The following XRN1 variants were observed in gnomAD, a reference collection of about 807,000 sequenced individuals.
The protein encoded by XRN1 is 5'-3' exoribonuclease 1.
XRN1 carries 67 observed loss-of-function variants against 222.3 expected under a neutral mutation model. That is an observed-to-expected ratio of 0.30 (90% confidence interval 0.25 to 0.37). XRN1 has a LOEUF of 0.37. Ranked by LOEUF, XRN1 falls within the 10% of genes least tolerant of loss-of-function variation. The pLI, the probability that XRN1 is intolerant of heterozygous loss-of-function variation, is 1.00. For missense variants in XRN1, 1,707 were observed against 2,000.2 expected (o/e 0.85, Z 2.80); for synonymous variants, 643 against 652.4 (o/e 0.99, Z 0.22).
chr3:142,392,461 C>CTA, intron 20 of XRN1, among the ~76,000 whole-genome samples: 1 of 152,124 alleles, frequency 6.6e-6, no homozygotes, highest in East Asian at 1.9e-4. Flanking sequence ...TCTCCTAATG[C>CTA]TATCCCTCCC....
chr3:142,422,427 T>C (rs534554227), intron 8 of XRN1, among the ~76,000 whole-genome samples, 155 bp downstream of exon 8: 2 of 152,334 alleles, frequency 1.3e-5, no homozygotes, highest in South Asian at 4.1e-4. Flanking sequence ...TCACTGAAAA[T>C]GACAACCTCA....
intron 19 of XRN1, 52 bp from the exon 20 acceptor site, chr3:142,397,512 G>C (rs751700952): frequency 6.8e-7 from 1 of 1,476,494 alleles, no homozygotes; most frequent in Admixed American, 2.3e-5. Flanking sequence ...GTTTAATATA[G>C]AGTTCTAGCA....
intron 29 of XRN1, among the ~76,000 whole-genome samples, chr3:142,362,783 C>CT (rs1334900100): frequency 1.8e-5 from 2 of 113,522 alleles, no homozygotes; most frequent in African/African-American, 3.1e-5. Context: ...CTCTCTCTTT[C>CT]TTTTTTTGAC....
chr3:142,400,358 G>A, intron 19 of XRN1, 86 bp downstream of exon 19: 1 of 1,093,898 alleles, frequency 9.1e-7, no homozygotes, highest in Non-Finnish European at 1.3e-6. Flanking sequence ...ATATAATTTT[G>A]TCAGTTAAAA....
chr3:142,381,152 T>C (rs1041904675), intron 22 of XRN1, among the ~76,000 whole-genome samples: 2 of 152,108 alleles, frequency 1.3e-5, no homozygotes, highest in Admixed American at 1.3e-4. Context: ...GATTCACCTG[T>C]TGTTAGCATT....
intron 27 of XRN1, among the ~76,000 whole-genome samples, chr3:142,365,650 T>C (rs2066791159): frequency 6.6e-6 from 1 of 152,180 alleles, no homozygotes. Context: ...AATGAACTTT[T>C]ATAGTGTATC....
chr3:142,322,917 C>T (rs920269411), intron 37 of XRN1, among the ~76,000 whole-genome samples: 5 of 152,044 alleles, frequency 3.3e-5, no homozygotes, highest in African/African-American at 4.8e-5. Context: ...GCAGGATAAT[C>T]GCTTGAACCC....
chr3:142,447,989 A>G lies in XRN1; in HGVS notation c.-45T>C, dbSNP rs2070606381. 1.3e-6 allele frequency: 2 copies of G among 1,580,128 alleles called. No individual in the cohort carries two copies. Among genetic ancestry groups the G allele is most frequent in the Non-Finnish European group, 1.7e-6 (2 of 1,154,338 alleles). On this transcript the variant is annotated 5_prime_UTR_variant, in exon 1 of 41. Transcript: ENST00000392981. This position sits in a 1 kb window ranked among gnomAD's most constrained non-coding sequence, Gnocchi z 4.2. ...CCCAGTCAGGGCCAAACCGAAACCAAACGCCCCGCCGGGGCTCCGCCGCAG... is the reference window on the plus strand; with the variant it reads ...CCCAGTCAGGGCCAAACCGAAACCAGACGCCCCGCCGGGGCTCCGCCGCAG...
intron 32 of XRN1, among the ~76,000 whole-genome samples, chr3:142,354,625 T>C (rs1202719738): frequency 6.6e-6 from 1 of 152,170 alleles, no homozygotes; most frequent in African/African-American, 2.4e-5. Flanking sequence ...TGGGGCGATC[T>C]TGGCTCACTG....
At chr3:142,322,692 A>C (rs116018478) in intron 37 of XRN1, among the ~76,000 whole-genome samples, 2,019 of 151,674 alleles carry the variant, frequency 0.013, 27 homozygotes, top group African/African-American at 0.02. Flanking sequence ...AACAAACAAA[A>C]AAAAATTGTT....
intron 33 of XRN1, among the ~76,000 whole-genome samples, chr3:142,338,839 C>T (rs1276974828): frequency 2.0e-5 from 3 of 152,128 alleles, no homozygotes; most frequent in East Asian, 1.9e-4. Flanking sequence ...TGGTTGGTGA[C>T]GGCCACGGGG....
chr3:142,438,392 GA>G (rs1474769545), intron 1 of XRN1, among the ~76,000 whole-genome samples: 1 of 152,096 alleles, frequency 6.6e-6, no homozygotes, highest in Non-Finnish European at 1.5e-5. Flanking sequence ...AGAGAGGCGG[GA>G]AAACAGGTGC....
chr3:142,441,523 T>G (rs925276278), intron 1 of XRN1, among the ~76,000 whole-genome samples: 1 of 152,220 alleles, frequency 6.6e-6, no homozygotes, highest in East Asian at 1.9e-4. Context: ...GTAAGAAAAC[T>G]GATGTAGTGG....
At chr3:142,384,767 C>G (rs1179937077) in intron 20 of XRN1, 82 bp from the exon 21 acceptor site, 1 of 1,072,832 alleles carries the variant, frequency 9.3e-7, no homozygotes, top group African/African-American at 1.6e-5. Flanking sequence ...CTATCGTAAA[C>G]TATCAACTCA....
chr3:142,386,094 A>T (rs1014397877), intron 20 of XRN1, among the ~76,000 whole-genome samples: 1 of 152,032 alleles, frequency 6.6e-6, no homozygotes, highest in Non-Finnish European at 1.5e-5. Flanking sequence ...AGCCAGAAAC[A>T]AAAGTTTTCC....
intron 22 of XRN1, among the ~76,000 whole-genome samples, chr3:142,382,770 T>C (rs2067348235): frequency 6.6e-6 from 1 of 152,160 alleles, no homozygotes; most frequent in South Asian, 2.1e-4. Flanking sequence ...TATGCATACG[T>C]GTATATATAT....
intron 20 of XRN1, among the ~76,000 whole-genome samples, chr3:142,386,057 T>C (rs558910103): frequency 6.6e-6 from 1 of 151,894 alleles, no homozygotes; most frequent in Non-Finnish European, 1.5e-5. Flanking sequence ...TATGGCAAAG[T>C]TGGTCTGAAA....
At chr3:142,384,372 T>A in intron 21 of XRN1, 151 bp downstream of exon 21, 1 of 519,898 alleles carries the variant, frequency 1.9e-6, no homozygotes, top group Non-Finnish European at 2.9e-6. Flanking sequence ...TTCTTACAAA[T>A]AATAAGTTAT....
chr3:142,323,819 A>C (rs2065432196), intron 37 of XRN1, among the ~76,000 whole-genome samples: 1 of 152,056 alleles, frequency 6.6e-6, no homozygotes, highest in African/African-American at 2.4e-5. Flanking sequence ...AATTCGAGTA[A>C]TATCACTCTT....
Sources: gnomAD v4.1 joint callset for allele counts (sites outside exome capture counted in the v4.1 genomes callset) on GRCh38, gnomAD v4.1.1 for gene constraint, Gnocchi (gnomAD v3.1) non-coding constraint, MANE v1.5 for transcripts, NCBI Gene and HGNC (gene_info 2026-07-23, HGNC 2026-07-21) for gene names.